The following SLC51A variants were observed in gnomAD, a reference collection of about 807,000 sequenced individuals.
SLC51A encodes the protein organic solute transporter subunit alpha.
Under a neutral mutation model 34.8 loss-of-function variants are expected in SLC51A, and 22 were observed. The observed-to-expected ratio is 0.63, with a 90% CI of 0.45 to 0.90. The LOEUF (loss-of-function observed/expected upper bound fraction) is 0.90, where lower values mean the gene tolerates loss of function less well. Ranked by LOEUF, SLC51A falls within the 40% of genes least tolerant of loss-of-function variation. The pLI, the probability that SLC51A is intolerant of heterozygous loss-of-function variation, is 0.00. For synonymous variants in SLC51A, 181 were observed against 176.3 expected, an observed-to-expected ratio of 1.03 and a Z score of -0.21; for missense variants, 371 against 414.8, an observed-to-expected ratio of 0.89 and a Z score of 0.92.
rs147990908 is a variant in SLC51A at position 196,230,048 on chromosome 3, T to C, written c.767T>C (p.Phe256Ser). The change falls in exon 7 of 9, where the codon TTT becomes TCT. Residue 256 changes from phenylalanine (F) to serine (S), a missense_variant. Physicochemically the swap from Phe to Ser is radical, Grantham distance 155. Coordinates refer to ENST00000296327, the MANE Select transcript of SLC51A (RefSeq NM_152672.6). Reference protein sequence around the residue: ...HLGEQNMGAKFALFQVLLILT... With the variant: ...HLGEQNMGAKSALFQVLLILT... ...GGTGAGCAGAACATGGGAGCCAAAT[T>C]TGCTCTGTTCCAGGTAACTATACCC... 36 of 1,612,510 alleles carry C rather than the reference T, an allele frequency of 2.2e-5. No individual in the cohort carries two copies. In the African/African-American group the frequency reaches 4.4e-4, roughly 20 times the overall value.
intron 2 of SLC51A, among the ~76,000 whole-genome samples, chr3:196,218,337 A>C (rs1448518514): frequency 6.6e-6 from 1 of 152,158 alleles, no homozygotes; most frequent in Non-Finnish European, 1.5e-5. Flanking sequence ...GTCACTCTAG[A>C]GGGTGGTTAC....
intron 2 of SLC51A, among the ~76,000 whole-genome samples, chr3:196,220,037 G>T (rs1021946907): frequency 3.9e-5 from 6 of 152,244 alleles, no homozygotes; most frequent in Non-Finnish European, 7.3e-5. Context: ...CAGGGAAGCT[G>T]CGAGGATGAG....
At position 196,221,598 on chromosome 3, in the gene SLC51A, C is replaced by T. The variant is rs545137944; in HGVS notation, c.133+3662C>T. Among the ~76,000 whole-genome samples the T allele has an allele frequency of 5.3e-5, 8 of 152,140 alleles. No individual in the cohort carries two copies. In the East Asian group the frequency reaches 9.7e-4, roughly 18 times the overall value. ...TACTTTTTATTGAACAAATACTACA[C>T]GCCAGGTGCTTTGCTAAGAAGCTTA... is the stretch of plus-strand genomic sequence containing the variant. On this transcript the variant is annotated intron_variant, in intron 2 of 8. Transcript: ENST00000296327.
At chr3:196,217,543 A>T (rs1421698690) in intron 1 of SLC51A, among the ~76,000 whole-genome samples, 1 of 145,702 alleles carries the variant, frequency 6.9e-6, no homozygotes, top group African/African-American at 2.5e-5. Context: ...CCCTGTCTCA[A>T]AAAGAAAAAA....
intron 7 of SLC51A, among the ~76,000 whole-genome samples, chr3:196,231,722 C>A (rs1043564437): frequency 6.6e-6 from 1 of 152,128 alleles, no homozygotes; most frequent in East Asian, 1.9e-4. Flanking sequence ...GTGAGCCACG[C>A]CAGCCTTGAA....
chr3:196,218,016 G>A, intron 2 of SLC51A, 80 bp downstream of exon 2: 1 of 1,337,094 alleles, frequency 7.5e-7, no homozygotes, highest in Non-Finnish European at 1.0e-6. Context: ...AGGCGGCCCT[G>A]AGCTGGTGCA....
chr3:196,231,410 C>A (rs933864190), intron 7 of SLC51A, among the ~76,000 whole-genome samples: 6 of 152,224 alleles, frequency 3.9e-5, no homozygotes, highest in African/African-American at 1.4e-4. Context: ...TTCTCCTTCT[C>A]TCTCCATCCT....
rs1560149388 is a variant in SLC51A at position 196,216,604 on chromosome 3, G to GA, written c.-109_-108insA. ...AGGGGAAGACTCTGCAATTCTGCTT[G>GA]CCCCCCACCCCGGCCCAGGCAAGCC... is the stretch of plus-strand genomic sequence containing the variant. On this transcript the variant is annotated 5_prime_UTR_variant, in exon 1 of 9. Coordinates refer to ENST00000296327, the MANE Select transcript of SLC51A (RefSeq NM_152672.6). This position sits in a 1 kb window ranked among gnomAD's most constrained non-coding sequence, Gnocchi z 4.5. 1 of 1,104,072 alleles carries GA rather than the reference G, an allele frequency of 9.1e-7. No homozygotes were observed. Among genetic ancestry groups the GA allele is most frequent in the Admixed American group, 2.0e-5 (1 of 50,084 alleles). 68.4% of individuals were successfully genotyped at this position (1,104,072 alleles called of 1,614,324 possible). A position where few individuals can be genotyped will look rare whatever the true frequency, so the allele number is the denominator to read the frequency against.
Position 196,228,953 on chromosome 3 carries a change from G to T in SLC51A, c.633+33G>T, listed in dbSNP as rs373623988. On this transcript the variant is annotated intron_variant, in intron 6 of 8. Coordinates refer to ENST00000296327, the MANE Select transcript of SLC51A (RefSeq NM_152672.6). The surrounding 1 kb of genome is among the most constrained non-coding windows in gnomAD (Gnocchi z 4.9). ...GGGAGTAAGGGACAGCACAGTCCAA[G>T]ACTCATTTAGTACCTTTGTGTTCTA... 1.4e-4 allele frequency: 208 copies of T among 1,507,492 alleles called. No homozygotes were observed. The highest frequency in any genetic ancestry group is 1.4e-3 in the Middle Eastern group (8 of 5,852). 93.4% of individuals were successfully genotyped at this position (1,507,492 alleles called of 1,614,324 possible).
chr3:196,232,340 G>A, intron 7 of SLC51A, 79 bp from the exon 8 acceptor site: 2 of 1,121,156 alleles, frequency 1.8e-6, no homozygotes, highest in South Asian at 2.6e-5. Context: ...GGAAGGGCAA[G>A]GCCCGGCAGT....
intron 2 of SLC51A, 44 bp from the exon 3 acceptor site, chr3:196,226,921 C>T: frequency 6.4e-7 from 1 of 1,562,370 alleles, no homozygotes; most frequent in Non-Finnish European, 8.7e-7. Flanking sequence ...AGGCCTTCTC[C>T]CGCTCAGTCC....
intron 2 of SLC51A, among the ~76,000 whole-genome samples, chr3:196,225,523 G>C (rs1238509550): frequency 6.6e-6 from 1 of 152,172 alleles, no homozygotes; most frequent in African/African-American, 2.4e-5. Flanking sequence ...ACAATGACTG[G>C]AGTGTGGCAG....
chr3:196,220,915 G>T (rs1723741052), intron 2 of SLC51A, among the ~76,000 whole-genome samples: 1 of 144,234 alleles, frequency 6.9e-6, no homozygotes, highest in Non-Finnish European at 1.5e-5. Context: ...TTTGAGACAG[G>T]GTCTCACTGT....
chr3:196,223,138 G>C (rs2108754304), intron 2 of SLC51A, among the ~76,000 whole-genome samples: 1 of 151,892 alleles, frequency 6.6e-6, no homozygotes, highest in South Asian at 2.1e-4. Context: ...ACGAATACCT[G>C]CGTTTAAATC....
intron 2 of SLC51A, among the ~76,000 whole-genome samples, chr3:196,224,655 G>GACAAGAGT (rs1457579259): frequency 1.4e-5 from 2 of 138,752 alleles, no homozygotes; most frequent in African/African-American, 5.4e-5. Context: ...CAGCCTGTGC[G>GACAAGAGT]ACAAGAGTGA....
chr3:196,218,987 A>T (rs529912466), intron 2 of SLC51A, among the ~76,000 whole-genome samples: 1 of 152,278 alleles, frequency 6.6e-6, no homozygotes, highest in African/African-American at 2.4e-5. Context: ...GCACTTTGGG[A>T]GGCCGAGGCA....
chr3:196,221,212 C>T (rs1257653065), intron 2 of SLC51A, among the ~76,000 whole-genome samples: 1 of 151,636 alleles, frequency 6.6e-6, no homozygotes, highest in Non-Finnish European at 1.5e-5. Flanking sequence ...ATGATTGCAC[C>T]ACCAGCCTCA....
intron 2 of SLC51A, among the ~76,000 whole-genome samples, chr3:196,219,858 T>C (rs531468772): frequency 2.6e-5 from 4 of 152,334 alleles, no homozygotes; most frequent in East Asian, 1.9e-4. Context: ...AGTGCTCAGG[T>C]TGAGAAACCT....
At chr3:196,218,143 C>T (rs1053070987) in intron 2 of SLC51A, among the ~76,000 whole-genome samples, 3 of 152,184 alleles carry the variant, frequency 2.0e-5, no homozygotes, top group African/African-American at 4.8e-5. Flanking sequence ...AGCCTGGCTC[C>T]GGAGAGCAAC....
Sources: gnomAD v4.1 joint callset for allele counts (sites outside exome capture counted in the v4.1 genomes callset) on GRCh38, gnomAD v4.1.1 for gene constraint, Gnocchi (gnomAD v3.1) non-coding constraint, MANE v1.5 for transcripts, NCBI Gene and HGNC (gene_info 2026-07-23, HGNC 2026-07-21) for gene names.